Variants in SEPTIN7 observed in about 807,000 individuals in gnomAD.
SEPTIN7 encodes septin 7.
In SEPTIN7, 10 loss-of-function variants were observed where a neutral mutation model predicts 63.3. That is an observed-to-expected ratio of 0.16 (90% CI 0.10 to 0.27). The LOEUF (loss-of-function observed/expected upper bound fraction) is 0.27, where lower values mean the gene tolerates loss of function less well. Among genes scored for constraint, SEPTIN7 ranks in the 10% least tolerant of loss-of-function variants. The pLI, the probability that SEPTIN7 is intolerant of heterozygous loss-of-function variation, is 1.00. For synonymous variants in SEPTIN7, 131 were observed against 165.3 expected (o/e 0.79, Z 1.59); for missense variants, 310 against 521.0 (o/e 0.59, Z 3.94).
chr7:35,856,632 T>C (rs563512294), intron 3 of SEPTIN7, among the ~76,000 whole-genome samples: 6 of 152,290 alleles, frequency 3.9e-5, no homozygotes, highest in African/African-American at 1.4e-4. Context: ...TCAACTACTT[T>C]TTGGTACCCA....
At chr7:35,838,471 G>A (rs931424345) in intron 3 of SEPTIN7, 1 of 149,360 alleles carries the variant, frequency 6.7e-6, no homozygotes, top group Non-Finnish European at 1.5e-5. Context: ...CTGGGTTCAA[G>A]TCATCCTCTC....
intron 7 of SEPTIN7, among the ~76,000 whole-genome samples, chr7:35,880,179 A>ATTTTCTTTTTTCTT (rs70974778): frequency 2.9e-5 from 3 of 102,026 alleles, no homozygotes; most frequent in African/African-American, 7.3e-5. Context: ...CTTTAGAATT[A>ATTTTCTTTTTTCTT]TTTTCTTTTT....
At chr7:35,895,105 A>G in intron 11 of SEPTIN7, among the ~76,000 whole-genome samples, 1 of 152,104 alleles carries the variant, frequency 6.6e-6, no homozygotes, top group East Asian at 1.9e-4. Flanking sequence ...AAGCTTTACT[A>G]CTATATGGGG....
At chr7:35,818,348 T>A (rs1789212862) in intron 1 of SEPTIN7, among the ~76,000 whole-genome samples, 1 of 152,086 alleles carries the variant, frequency 6.6e-6, no homozygotes, top group Admixed American at 6.5e-5. Context: ...GTATAACCCC[T>A]TTTTATTGCT....
intron 10 of SEPTIN7, among the ~76,000 whole-genome samples, chr7:35,889,650 T>A (rs1354498742): frequency 6.6e-6 from 1 of 152,148 alleles, no homozygotes; most frequent in Non-Finnish European, 1.5e-5. Context: ...TTCAAGCGAT[T>A]CTCCTGCCTC....
intron 2 of SEPTIN7, 32 bp from the exon 3 acceptor site, chr7:35,832,766 A>G: frequency 8.6e-7 from 1 of 1,169,238 alleles, no homozygotes; most frequent in Non-Finnish European, 1.3e-6. Context: ...CTGTTGATAC[A>G]TGAATAACTT....
At chr7:35,875,261 T>G (rs1054670704) in intron 6 of SEPTIN7, among the ~76,000 whole-genome samples, 2 of 152,214 alleles carry the variant, frequency 1.3e-5, no homozygotes, top group Admixed American at 1.3e-4. Flanking sequence ...AATTGCTATT[T>G]CTTATATATA....
At chr7:35,898,546 T>C (rs1788095467) in intron 12 of SEPTIN7, 163 bp downstream of exon 12, 1 of 523,096 alleles carries the variant, frequency 1.9e-6, no homozygotes, top group Non-Finnish European at 3.5e-6. Flanking sequence ...GCACCGTGTT[T>C]ATAATAAAAT....
intron 3 of SEPTIN7, 35 bp downstream of exon 3, chr7:35,832,935 G>T (rs1783903100): frequency 1.6e-6 from 2 of 1,257,856 alleles, no homozygotes; most frequent in African/African-American, 2.9e-5. Flanking sequence ...TGGAACTTTG[G>T]TTTAAGTTTT....
In SEPTIN7 at chr7:35,873,742, G is replaced by T. The variant is rs754422485; in HGVS notation, c.479G>T (p.Cys160Phe). The change falls in exon 6 of 14, where the codon TGT becomes TTT. Residue 160 changes from cysteine to phenylalanine, a missense_variant. Cys to Phe is a radical substitution (Grantham distance 205). Coordinates refer to ENST00000350320, the MANE Select transcript of SEPTIN7 (RefSeq NM_001788.6). ...CAGATGCCTGATAACAGGGTGCAGT[G>T]TTGTTTATACTTCATTGCTCCTTCA... ...RRQMPDNRVQCCLYFIAPSGH... is the reference protein window; with the variant it reads ...RRQMPDNRVQFCLYFIAPSGH... The T allele has an allele frequency of 6.2e-7, 1 of 1,610,820 alleles. No homozygotes were observed. The highest frequency in any genetic ancestry group is 1.7e-5 in the Admixed American group (1 of 59,920).
chr7:35,808,591 G>A (rs1224213880), intron 1 of SEPTIN7, among the ~76,000 whole-genome samples: 4 of 152,162 alleles, frequency 2.6e-5, no homozygotes, highest in Non-Finnish European at 2.9e-5. Flanking sequence ...CAGGTTTGGC[G>A]TCTCTGCTTC....
chr7:35,901,230 A>G (rs1164481758), intron 12 of SEPTIN7: 1 of 152,172 alleles, frequency 6.6e-6, no homozygotes, highest in Non-Finnish European at 1.5e-5. Flanking sequence ...TCTCTCCTTT[A>G]TAGATAAGAA....
chr7:35,841,051 A>G (rs986944246), intron 3 of SEPTIN7, among the ~76,000 whole-genome samples: 3 of 152,142 alleles, frequency 2.0e-5, no homozygotes, highest in Non-Finnish European at 4.4e-5. Flanking sequence ...TTGGAAAATC[A>G]GTCTTACAGA....
At chr7:35,801,926 C>T (rs1467902279) in intron 1 of SEPTIN7, among the ~76,000 whole-genome samples, 1 of 152,168 alleles carries the variant, frequency 6.6e-6, no homozygotes, top group Non-Finnish European at 1.5e-5. Context: ...TCTCTCCAGG[C>T]GCAGCCCGGA....
chr7:35,908,851 T>G (rs897831796), downstream of SEPTIN7, among the ~76,000 whole-genome samples: 8 of 152,236 alleles, frequency 5.3e-5, no homozygotes, highest in Non-Finnish European at 8.8e-5. Context: ...CAAACTAACT[T>G]GTTCTGGCAA....
intron 1 of SEPTIN7, among the ~76,000 whole-genome samples, chr7:35,823,381 A>T (rs1783331253): frequency 6.6e-6 from 1 of 152,092 alleles, no homozygotes; most frequent in Non-Finnish European, 1.5e-5. Flanking sequence ...TTGTATTTTT[A>T]GTAGAGATGG....
At chr7:35,850,861 A>G (rs1213724375) in intron 3 of SEPTIN7, among the ~76,000 whole-genome samples, 1 of 152,176 alleles carries the variant, frequency 6.6e-6, no homozygotes, top group Non-Finnish European at 1.5e-5. Flanking sequence ...ATAAAATGTC[A>G]GGTACTACTT....
intron 3 of SEPTIN7, among the ~76,000 whole-genome samples, chr7:35,860,666 A>G (rs1024785377): frequency 5.3e-5 from 8 of 152,212 alleles, no homozygotes; most frequent in African/African-American, 7.2e-5. Context: ...TAAATGTATC[A>G]TTGCACTGCC....
intron 3 of SEPTIN7, among the ~76,000 whole-genome samples, chr7:35,834,014 T>C (rs1046590045): frequency 1.3e-5 from 2 of 152,162 alleles, no homozygotes. Flanking sequence ...TATCTCTTGT[T>C]GAGTAGAAGT....
Sources: allele counts gnomAD v4.1 joint callset (sites outside exome capture counted in the v4.1 genomes callset), GRCh38; gene constraint gnomAD v4.1.1; transcripts MANE v1.5; gene names NCBI Gene and HGNC (gene_info 2026-07-23, HGNC 2026-07-21).